Variants in WNK3 observed in about 807,000 individuals in gnomAD.
WNK3 encodes serine/threonine-protein kinase WNK3.
Under a neutral mutation model 116.7 loss-of-function variants are expected in WNK3, and 18 were observed. That is an observed-to-expected ratio of 0.15 (90% CI 0.11 to 0.23). The LOEUF is 0.23. Ranked by LOEUF, WNK3 falls within the 10% of genes least tolerant of loss-of-function variation. WNK3 has a pLI of 1.00. For synonymous variants in WNK3, 404 were observed against 469.4 expected (o/e 0.86, Z 1.80); for missense variants, 993 against 1,323.8 (o/e 0.75, Z 3.88).
chrX:54,261,105 G>C (rs1380917974), intron 10 of WNK3, among the ~76,000 whole-genome samples: 1 of 109,735 alleles, frequency 9.1e-6, no homozygotes, highest in Non-Finnish European at 1.9e-5. Context: ...ATCCAATCTT[G>C]GATTGAAAAT....
chrX:54,307,021 A>T (rs1401234454), intron 5 of WNK3, among the ~76,000 whole-genome samples: 1 of 109,777 alleles, frequency 9.1e-6, no homozygotes, highest in Non-Finnish European at 1.9e-5. Context: ...CAAGGTCAAG[A>T]GATCAAGACC....
chrX:54,259,241 T>C, intron 11 of WNK3, 33 bp downstream of exon 11: 1 of 1,047,089 alleles, frequency 9.6e-7, no homozygotes, highest in African/African-American at 1.8e-5. Context: ...CATATCCTCA[T>C]TGTTCTCATG....
At chrX:54,235,494 C>T (rs1391136004) in intron 20 of WNK3, among the ~76,000 whole-genome samples, 1 of 111,075 alleles carries the variant, frequency 9.0e-6, no homozygotes, top group Non-Finnish European at 1.9e-5. Flanking sequence ...GCCATGTTGG[C>T]CAGGGTGGTC....
exon 3 of WNK3, chrX:54,311,133 A>G (rs1304314096): frequency 8.5e-7 from 1 of 1,171,036 alleles, no homozygotes. Context: ...TTAAGGTCCC[A>G]GATGTCATTA....
chrX:54,263,734 G>A (rs1196310738), intron 10 of WNK3, among the ~76,000 whole-genome samples: 1 of 111,297 alleles, frequency 9.0e-6, no homozygotes, highest in Non-Finnish European at 1.9e-5. Context: ...TATGTATGCT[G>A]TATATACCTG....
At chrX:54,285,715 A>G (rs967452136) in intron 10 of WNK3, among the ~76,000 whole-genome samples, 4 of 112,508 alleles carry the variant, frequency 3.6e-5, no homozygotes, top group Non-Finnish European at 7.5e-5. Flanking sequence ...GCCTTTACAG[A>G]AAAAGACTGT....
chrX:54,356,209 T>C (rs1226244940), intron 1 of WNK3, among the ~76,000 whole-genome samples: 1 of 112,253 alleles, frequency 8.9e-6, no homozygotes, highest in Non-Finnish European at 1.9e-5. Flanking sequence ...AATGTTCACG[T>C]AATCTGTTGT....
chrX:54,308,503 T>C (rs1164809635), intron 4 of WNK3, among the ~76,000 whole-genome samples: 1 of 112,113 alleles, frequency 8.9e-6, no homozygotes, highest in African/African-American at 3.2e-5. Flanking sequence ...AATTTTTAAG[T>C]ATACAATTTG....
chrX:54,338,457 T>C (rs929077921), intron 1 of WNK3, among the ~76,000 whole-genome samples: 15 of 107,708 alleles, frequency 1.4e-4, no homozygotes, highest in African/African-American at 4.7e-4. Context: ...CATGGTGGCA[T>C]GCACCTGTAG....
intron 22 of WNK3, among the ~76,000 whole-genome samples, chrX:54,214,342 T>C (rs1391359635): frequency 9.0e-6 from 1 of 111,429 alleles, no homozygotes; most frequent in Non-Finnish European, 1.9e-5. Flanking sequence ...GATGGTTTCA[T>C]TGGAAAAATT....
chrX:54,206,693 T>C (rs2146715296), intron 22 of WNK3, among the ~76,000 whole-genome samples: 1 of 112,274 alleles, frequency 8.9e-6, no homozygotes. Context: ...ATGGACTCAC[T>C]CCTTGGCTCT....
At chrX:54,295,087 C>T (rs965600667) in intron 7 of WNK3, among the ~76,000 whole-genome samples, 2 of 108,249 alleles carry the variant, frequency 1.8e-5, no homozygotes, top group Non-Finnish European at 1.9e-5. Flanking sequence ...TTAGTAGGGA[C>T]GGGGTTTCAC....
At chrX:54,318,273 T>C (rs2068985825) in intron 2 of WNK3, among the ~76,000 whole-genome samples, 2 of 108,455 alleles carry the variant, frequency 1.8e-5, no homozygotes, top group Admixed American at 2.0e-4. Context: ...GGCATGAGAA[T>C]TGCTTGAACC....
intron 10 of WNK3, among the ~76,000 whole-genome samples, chrX:54,281,612 G>A (rs2068516836): frequency 8.9e-6 from 1 of 111,798 alleles, no homozygotes; most frequent in African/African-American, 3.2e-5. Context: ...GCCAACCACT[G>A]TTCTACTCTC....
intron 22 of WNK3, among the ~76,000 whole-genome samples, chrX:54,226,449 G>A (rs1365932821): frequency 3.5e-5 from 3 of 84,634 alleles, no homozygotes; most frequent in South Asian, 6.1e-4. Context: ...CAGCCTGGGC[G>A]ACAGGGTGAG....
At chrX:54,286,862 G>A (rs189658645) in intron 10 of WNK3, among the ~76,000 whole-genome samples, 2 of 106,160 alleles carry the variant, frequency 1.9e-5, no homozygotes, top group East Asian at 3.0e-4. Flanking sequence ...GCAGTGACCC[G>A]AGATGGCGCC....
chrX:54,232,113 G>GTATATATATATATA (rs781829275), intron 21 of WNK3, among the ~76,000 whole-genome samples: 1 of 95,095 alleles, frequency 1.1e-5, no homozygotes, highest in East Asian at 3.2e-4. Context: ...GTGTGTGTGT[G>GTATATATATATATA]TATATATATA....
chrX:54,229,821 T>C (rs1402879415), intron 21 of WNK3, among the ~76,000 whole-genome samples: 1 of 111,162 alleles, frequency 9.0e-6, no homozygotes, highest in East Asian at 2.8e-4. Context: ...TGAATATCAA[T>C]ATGCAAAAAA....
intron 5 of WNK3, among the ~76,000 whole-genome samples, chrX:54,305,338 T>A (rs2068811850): frequency 9.0e-6 from 1 of 111,649 alleles, no homozygotes; most frequent in African/African-American, 3.2e-5. Flanking sequence ...CAACTCTTCA[T>A]TCAGTGAGGT....
Sources: allele counts gnomAD v4.1 joint callset (sites outside exome capture counted in the v4.1 genomes callset), GRCh38; gene constraint gnomAD v4.1.1; transcripts MANE v1.5; gene names NCBI Gene and HGNC (gene_info 2026-07-23, HGNC 2026-07-21).